The following NCAM2 variants were observed in gnomAD, a reference collection of about 807,000 sequenced individuals.
The protein encoded by NCAM2 is neural cell adhesion molecule 2.
In NCAM2, 30 loss-of-function variants were observed where a neutral mutation model predicts 98.1. The ratio of observed to expected loss-of-function variants is 0.31; its 90% CI spans 0.23 to 0.41. The LOEUF (loss-of-function observed/expected upper bound fraction) is 0.41. NCAM2 is among the 10% of genes least tolerant of loss of function. NCAM2 has a pLI of 1.00. For missense variants in NCAM2, 867 were observed against 1,005.8 expected, an observed-to-expected ratio of 0.86 and a Z score of 1.87; for synonymous variants, 368 against 342.4, an observed-to-expected ratio of 1.07 and a Z score of -0.83.
At chr21:21,293,702 T>C (rs2073376244) in intron 5 of NCAM2, among the ~76,000 whole-genome samples, 1 of 151,884 alleles carries the variant, frequency 6.6e-6, no homozygotes, top group Non-Finnish European at 1.5e-5. Flanking sequence ...TCTTTCTCTT[T>C]ATTGTATACA....
intron 1 of NCAM2, among the ~76,000 whole-genome samples, chr21:21,247,022 G>GT (rs2071296452): frequency 1.1e-4 from 1 of 9,206 alleles, no homozygotes; most frequent in Non-Finnish European, 2.3e-3. Context: ...AGTTTAATAT[G>GT]TTTAAAAAAA....
chr21:21,042,756 T>C (rs2064931522), intron 1 of NCAM2, among the ~76,000 whole-genome samples: 1 of 152,156 alleles, frequency 6.6e-6, no homozygotes, highest in South Asian at 2.1e-4. Flanking sequence ...TAAGGAAGAA[T>C]TGGTGTGGCT....
At chr21:21,327,390 C>T (rs2074547884) in intron 6 of NCAM2, among the ~76,000 whole-genome samples, 1 of 146,748 alleles carries the variant, frequency 6.8e-6, no homozygotes, top group Non-Finnish European at 1.5e-5. Flanking sequence ...GCAGGGTGGC[C>T]TTCCCTCTGT....
At chr21:21,026,175 C>T (rs528294091) in intron 1 of NCAM2, among the ~76,000 whole-genome samples, 3 of 152,162 alleles carry the variant, frequency 2.0e-5, no homozygotes, top group Admixed American at 1.3e-4. Flanking sequence ...AAGCAAGAGC[C>T]GGGCTCAGCA....
intron 1 of NCAM2, among the ~76,000 whole-genome samples, chr21:21,082,567 T>C (rs562384723): frequency 1.6e-3 from 237 of 152,332 alleles, no homozygotes; most frequent in Middle Eastern, 3.4e-3. Context: ...CCACCTATGC[T>C]ATTTTTACCA....
intron 9 of NCAM2, among the ~76,000 whole-genome samples, chr21:21,382,067 C>G (rs996935503): frequency 6.6e-6 from 1 of 151,970 alleles, no homozygotes; most frequent in Admixed American, 6.6e-5. Context: ...ATAAATTGAC[C>G]CATTGTTCCC....
Position 21,515,270 on chromosome 21 carries a change from G to A in NCAM2, c.2282+6215G>A, listed in dbSNP as rs572088565. 2.8e-4 allele frequency among the ~76,000 whole-genome samples: 42 copies of A among 152,226 alleles called. No homozygotes were observed. The Middle Eastern group carries it at 0.01, about 37-fold the overall frequency. On this transcript the variant is annotated intron_variant, in intron 16 of 17. Coordinates refer to ENST00000400546, the MANE Select transcript of NCAM2 (RefSeq NM_004540.5). ...TGTTTAAGCAGATGGTGTTCTGCAC[G>A]AGTCCAAAGAGGGCTATTCATGAGG... is the stretch of plus-strand genomic sequence containing the variant.
chr21:21,534,705 T>C, intron 17 of NCAM2, 49 bp downstream of exon 17: 2 of 1,419,176 alleles, frequency 1.4e-6, no homozygotes, highest in African/African-American at 1.5e-5. Context: ...ATTGGCAAAA[T>C]GATAACACAT....
chr21:21,101,820 C>G (rs1478053453), intron 1 of NCAM2, among the ~76,000 whole-genome samples: 2 of 152,032 alleles, frequency 1.3e-5, no homozygotes, highest in African/African-American at 4.8e-5. Context: ...ATCATTTTGT[C>G]TCTCAATCAT....
In NCAM2 at chr21:21,443,226, T is replaced by A. The variant is rs561787514; in HGVS notation, c.1654+10945T>A. Reference sequence around the variant, plus strand: ...TCACTCATAAGTGGGAGTTGAACAATGAGAACACATGGACAGAGGGAGGGG... The same window carrying A: ...TCACTCATAAGTGGGAGTTGAACAAAGAGAACACATGGACAGAGGGAGGGG... On this transcript the variant is annotated intron_variant, in intron 12 of 17. Transcript: ENST00000400546. Among the ~76,000 whole-genome samples the A allele has an allele frequency of 1.1e-4, 17 of 152,090 alleles. No individual in the cohort carries two copies. The South Asian group carries it at 1.7e-3, about 15-fold the overall frequency.
intron 1 of NCAM2, among the ~76,000 whole-genome samples, chr21:21,232,088 T>C (rs1427919150): frequency 6.6e-6 from 1 of 151,440 alleles, no homozygotes; most frequent in African/African-American, 2.4e-5. Flanking sequence ...TCCCCAGTTA[T>C]CTTGCAGGAA....
At chr21:21,051,065 G>A (rs527455813) in intron 1 of NCAM2, among the ~76,000 whole-genome samples, 8 of 152,190 alleles carry the variant, frequency 5.3e-5, no homozygotes, top group African/African-American at 9.6e-5. Context: ...AATAAAAGAA[G>A]TGTTTGTCCC....
chr21:21,070,295 A>G (rs1337760943), intron 1 of NCAM2, among the ~76,000 whole-genome samples: 1 of 150,188 alleles, frequency 6.7e-6, no homozygotes, highest in Non-Finnish European at 1.5e-5. Context: ...ATAATCTAAT[A>G]TGTAAATATG....
At chr21:21,259,374 G>A (rs2071804515) in intron 1 of NCAM2, among the ~76,000 whole-genome samples, 1 of 151,530 alleles carries the variant, frequency 6.6e-6, no homozygotes, top group East Asian at 1.9e-4. Context: ...AAAGTCGTAA[G>A]TCCTGCAGTA....
At chr21:21,170,536 A>G (rs2068088687) in intron 1 of NCAM2, among the ~76,000 whole-genome samples, 1 of 152,202 alleles carries the variant, frequency 6.6e-6, no homozygotes, top group Non-Finnish European at 1.5e-5. Flanking sequence ...TGGAGACAGC[A>G]AAATGATCAG....
chr21:21,466,568 T>A, intron 12 of NCAM2, 38 bp from the exon 13 acceptor site: 5 of 1,434,178 alleles, frequency 3.5e-6, no homozygotes, highest in East Asian at 2.5e-5. Context: ...TATATGTATA[T>A]ATATGTTTTA....
intron 1 of NCAM2, among the ~76,000 whole-genome samples, chr21:21,120,630 C>A (rs2066651618): frequency 6.6e-6 from 1 of 151,856 alleles, no homozygotes; most frequent in Non-Finnish European, 1.5e-5. Context: ...ATGAGTCCAG[C>A]TTGGTTCAAC....
chr21:21,320,884 T>A (rs1250798111), intron 5 of NCAM2, among the ~76,000 whole-genome samples: 1 of 152,166 alleles, frequency 6.6e-6, no homozygotes, highest in Non-Finnish European at 1.5e-5. Context: ...GTAATAAAAA[T>A]AGCTTTGCAA....
At chr21:21,173,031 A>G (rs1002857031) in intron 1 of NCAM2, among the ~76,000 whole-genome samples, 1 of 152,216 alleles carries the variant, frequency 6.6e-6, no homozygotes, top group Non-Finnish European at 1.5e-5. Context: ...TGTGAAATGT[A>G]TCTTCACTTC....
Sources: allele counts gnomAD v4.1 joint callset (sites outside exome capture counted in the v4.1 genomes callset), GRCh38; gene constraint gnomAD v4.1.1; transcripts MANE v1.5; gene names NCBI Gene and HGNC (gene_info 2026-07-23, HGNC 2026-07-21).